DMD: variants seen among roughly 807,000 people sequenced by gnomAD.
The protein encoded by DMD is mutant dystrophin.
DMD carries 63 observed loss-of-function variants against 330.1 expected under a neutral mutation model. That is an observed-to-expected ratio of 0.19 (90% CI 0.16 to 0.24). The LOEUF is 0.24. Ranked by LOEUF, DMD falls within the 10% of genes least tolerant of loss-of-function variation. DMD has a pLI of 1.00. For missense variants in DMD, 3,344 were observed against 2,684.1 expected (o/e 1.25, Z -5.43); for synonymous variants, 1,223 against 959.8 (o/e 1.27, Z -5.07).
chrX:31,968,881 A>G (rs912578998), intron 44 of DMD, among the ~76,000 whole-genome samples: 2 of 111,990 alleles, frequency 1.8e-5, no homozygotes, highest in African/African-American at 6.5e-5. Flanking sequence ...AAATGTTGTA[A>G]AATTTAAACA....
rs898493261 is a variant in DMD, at chrX:32,333,890, T to A, written c.5922+8210A>T. On this transcript the variant is annotated intron_variant, in intron 41 of 78. Transcript: ENST00000357033. ...TTCAGTTTCACGTAAGATGATTTGA[T>A]CATTCATGGCACACAGAGGGAAGAG... Among the ~76,000 whole-genome samples, 3 of 111,946 alleles carry A rather than the reference T, an allele frequency of 2.7e-5. No individual in the cohort carries two copies. The East Asian group carries it at 8.4e-4, about 31-fold the overall frequency.
At chrX:31,505,450 A>G (rs1478206349) in intron 56 of DMD, among the ~76,000 whole-genome samples, 1 of 111,578 alleles carries the variant, frequency 9.0e-6, no homozygotes, top group Non-Finnish European at 1.9e-5. Flanking sequence ...TACTCCTAGC[A>G]ATCTACTTCT....
chrX:32,546,634 T>C (rs1276406970), intron 16 of DMD, among the ~76,000 whole-genome samples: 2 of 111,754 alleles, frequency 1.8e-5, no homozygotes, highest in Non-Finnish European at 3.8e-5. Flanking sequence ...TAAAGACATA[T>C]CTTTACCTAT....
At chrX:33,249,629 C>T (rs2052736357) in intron 1 of DMD, among the ~76,000 whole-genome samples, 1 of 111,751 alleles carries the variant, frequency 8.9e-6, no homozygotes, top group Non-Finnish European at 1.9e-5. Flanking sequence ...GAAACAGCTG[C>T]AAACACTCCT....
chrX:32,083,901 A>G (rs994476639), intron 44 of DMD, among the ~76,000 whole-genome samples: 2 of 112,688 alleles, frequency 1.8e-5, no homozygotes, highest in Admixed American at 1.9e-4. Context: ...AAAGCTTTGC[A>G]TATGCAAATA....
At chrX:32,738,474 C>A (rs985109486) in intron 7 of DMD, among the ~76,000 whole-genome samples, 1 of 111,401 alleles carries the variant, frequency 9.0e-6, no homozygotes, top group African/African-American at 3.3e-5. Context: ...AGTTCCTAGC[C>A]CTTAATAAAG....
At chrX:32,450,491 T>A (rs1031637603) in intron 26 of DMD, among the ~76,000 whole-genome samples, 1 of 111,088 alleles carries the variant, frequency 9.0e-6, no homozygotes, top group Non-Finnish European at 1.9e-5. Flanking sequence ...AATTATAGTA[T>A]AATCAACAAG....
chrX:31,971,050 C>T (rs1415745436), intron 44 of DMD, among the ~76,000 whole-genome samples: 1 of 111,533 alleles, frequency 9.0e-6, no homozygotes, highest in Non-Finnish European at 1.9e-5. Flanking sequence ...TACAAATCTC[C>T]TGGAGATCTT....
chrX:32,970,489 C>G (rs2092338848), intron 2 of DMD, among the ~76,000 whole-genome samples: 2 of 92,671 alleles, frequency 2.2e-5, no homozygotes, highest in Non-Finnish European at 4.1e-5. Flanking sequence ...CAAAAATTAG[C>G]TGGACATGGT....
chrX:32,809,371 A>T, intron 7 of DMD, 122 bp downstream of exon 7: 3 of 579,179 alleles, frequency 5.2e-6, no homozygotes, highest in Non-Finnish European at 9.0e-6. Flanking sequence ...TTTTAAATAT[A>T]TCTACAGTAT....
Position 32,573,499 on chromosome X carries a change from A to G in DMD, c.1812+31T>C, listed in dbSNP as rs772873408. On this transcript the variant is annotated intron_variant, in intron 15 of 78. Coordinates refer to ENST00000357033, the MANE Select transcript of DMD (RefSeq NM_004006.3). The stretch of plus-strand genomic sequence containing the variant: ...TGATAATATACAGTACTGGGTTTTT[A>G]TAAGACCATTGAAAGCTAGAAAGTA... The G allele has an allele frequency of 2.7e-6, 3 of 1,112,972 alleles. No homozygotes were observed. The East Asian group carries it at 9.0e-5, about 33-fold the overall frequency. The allele number at this position is 1,112,972 out of a possible 1,213,427, so 91.7% of individuals were successfully genotyped here.
intron 1 of DMD, among the ~76,000 whole-genome samples, chrX:33,161,699 A>G (rs948441814): frequency 1.2e-4 from 13 of 111,394 alleles, no homozygotes; most frequent in African/African-American, 3.9e-4. Flanking sequence ...TCTACCACGA[A>G]TAAGCCCAAG....
In DMD at chrX:31,229,957, A is replaced by C. The variant is rs746967808; in HGVS notation, c.9287-6836T>G. 6.2e-5 allele frequency among the ~76,000 whole-genome samples: 7 copies of C among 112,368 alleles called. No homozygotes were observed. The South Asian group carries it at 2.6e-3, about 42-fold the overall frequency. On this transcript the variant is annotated intron_variant, in intron 63 of 78. Coordinates refer to ENST00000357033, the MANE Select transcript of DMD (RefSeq NM_004006.3). ...CAGACAAATTGAGTAATTTAAATCC[A>C]GTCTGTCTTGAAAGCAAATTAAGCC...
chrX:32,301,977 G>C (rs1364092469), intron 42 of DMD, among the ~76,000 whole-genome samples: 1 of 111,043 alleles, frequency 9.0e-6, no homozygotes, highest in African/African-American at 3.3e-5. Context: ...TTGCATTTCT[G>C]CACCTCAAGA....
chrX:31,150,306 T>A (rs1345420696), intron 74 of DMD, among the ~76,000 whole-genome samples: 1 of 112,243 alleles, frequency 8.9e-6, no homozygotes, highest in Admixed American at 9.4e-5. Context: ...GCCATAAATT[T>A]TATTCCATTT....
intron 38 of DMD, 25 bp downstream of exon 38, chrX:32,348,381 C>T: frequency 8.3e-7 from 1 of 1,198,958 alleles, no homozygotes; most frequent in Non-Finnish European, 1.1e-6. Context: ...CTAGTTCATT[C>T]ACACTTTTAT....
At chrX:32,328,605 A>T (rs1259382206) in intron 41 of DMD, among the ~76,000 whole-genome samples, 1 of 110,626 alleles carries the variant, frequency 9.0e-6, no homozygotes, top group Non-Finnish European at 1.9e-5. Context: ...GAAACTTAGC[A>T]GGAATGGTAT....
chrX:31,168,678 G>A, intron 74 of DMD, among the ~76,000 whole-genome samples: 1 of 111,810 alleles, frequency 8.9e-6, no homozygotes, highest in Non-Finnish European at 1.9e-5. Context: ...TTGCTTGGTG[G>A]CATCTGTCTG....
At chrX:31,770,077 C>G (rs1009699511) in intron 51 of DMD, among the ~76,000 whole-genome samples, 1 of 112,222 alleles carries the variant, frequency 8.9e-6, no homozygotes, top group African/African-American at 3.2e-5. Flanking sequence ...TGGAATACTT[C>G]TTGCTAGCCA....
Sources: gnomAD v4.1 joint callset for allele counts (sites outside exome capture counted in the v4.1 genomes callset) on GRCh38, gnomAD v4.1.1 for gene constraint, MANE v1.5 for transcripts, NCBI Gene and HGNC (gene_info 2026-07-23, HGNC 2026-07-21) for gene names.